ATP1A1: variants seen among roughly 807,000 people sequenced by gnomAD.
ATP1A1 encodes the protein sodium/potassium-transporting ATPase subunit alpha-1.
In ATP1A1, 14 loss-of-function variants were observed where a neutral mutation model predicts 114.8. That is an observed-to-expected ratio of 0.12 (90% CI 0.08 to 0.19). ATP1A1 has a LOEUF of 0.19. ATP1A1 is among the 10% of genes least tolerant of loss of function. The pLI is 1.00. For missense variants in ATP1A1, 524 were observed against 1,290.7 expected, an observed-to-expected ratio of 0.41 and a Z score of 9.10; for synonymous variants, 471 against 466.3, an observed-to-expected ratio of 1.01 and a Z score of -0.13.
chr1:116,398,584 T>C lies in ATP1A1; in HGVS notation c.2125-37T>C. Reference sequence around the variant, plus strand: ...GCACTATTTCCATCGCTAGGAAAAGTGATTGGTATTAACCCGTTTTCCCTT... The same window carrying C: ...GCACTATTTCCATCGCTAGGAAAAGCGATTGGTATTAACCCGTTTTCCCTT... On this transcript the variant is annotated intron_variant, in intron 15 of 22. Transcript: ENST00000295598. The surrounding 1 kb of genome is among the most constrained non-coding windows in gnomAD (Gnocchi z 6.1). 1 of 1,597,866 alleles carries C rather than the reference T, an allele frequency of 6.3e-7. No individual in the cohort carries two copies. The highest frequency in any genetic ancestry group is 8.5e-7 in the Non-Finnish European group (1 of 1,169,624).
In ATP1A1 at chr1:116,398,546, G is replaced by A. The variant is rs981419057; in HGVS notation, c.2125-75G>A. On this transcript the variant is annotated intron_variant, in intron 15 of 22. Coordinates refer to ENST00000295598, the MANE Select transcript of ATP1A1 (RefSeq NM_000701.8). This position sits in a 1 kb window ranked among gnomAD's most constrained non-coding sequence, Gnocchi z 6.1. ...GCAGTGTCTGTAATGAGTGCTCAGTGGGGGCATGCATCGCACTATTTCCAT... is the reference window on the plus strand; with the variant it reads ...GCAGTGTCTGTAATGAGTGCTCAGTAGGGGCATGCATCGCACTATTTCCAT... The A allele has an allele frequency of 4.6e-6, 7 of 1,526,718 alleles. No homozygotes were observed. The highest frequency in any genetic ancestry group is 1.4e-5 in the African/African-American group (1 of 72,974). 94.6% of individuals were successfully genotyped at this position (1,526,718 alleles called of 1,614,324 possible).
Position 116,389,338 on chromosome 1 carries a change from T to C in ATP1A1, c.755-101T>C. ...GCCCTTAAAAAGTGCTTTTATCAACTCTTTTTGTTTTTTTAGTCATCCTAT... is the reference window on the plus strand; with the variant it reads ...GCCCTTAAAAAGTGCTTTTATCAACCCTTTTTGTTTTTTTAGTCATCCTAT... On this transcript the variant is annotated intron_variant, in intron 7 of 22. Coordinates refer to ENST00000295598, the MANE Select transcript of ATP1A1 (RefSeq NM_000701.8). The surrounding 1 kb of genome is among the most constrained non-coding windows in gnomAD (Gnocchi z 6.9). The C allele has an allele frequency of 6.7e-7, 1 of 1,483,700 alleles. No individual in the cohort carries two copies. Among genetic ancestry groups the C allele is most frequent in the South Asian group, 1.3e-5 (1 of 76,606 alleles). The allele number at this position is 1,483,700 out of a possible 1,614,324, so 91.9% of individuals were successfully genotyped here.
Position 116,388,482 on chromosome 1 carries a change from C to A in ATP1A1, c.502-156C>A. The A allele has an allele frequency of 8.7e-7, 1 of 1,145,600 alleles. No homozygotes were observed. Among genetic ancestry groups the A allele is most frequent in the Non-Finnish European group, 1.2e-6 (1 of 826,372 alleles). The allele number at this position is 1,145,600 out of a possible 1,614,324, so 71.0% of individuals were successfully genotyped here. On this transcript the variant is annotated intron_variant, in intron 5 of 22. Coordinates refer to ENST00000295598, the MANE Select transcript of ATP1A1 (RefSeq NM_000701.8). This position sits in a 1 kb window ranked among gnomAD's most constrained non-coding sequence, Gnocchi z 5.6. ...GTAACAGCAATATCTCTTAAACTGG[C>A]GAGCAAGCTTTTGTAACTTGTGTAA...
rs117863652 is a variant in ATP1A1 at position 116,392,581 on chromosome 1, T to C, written c.1333-273T>C. 1.2e-3 allele frequency: 390 copies of C among 333,480 alleles called. 3 individuals are homozygous for C. The highest frequency in any genetic ancestry group is 0.011 in the East Asian group (208 of 18,624). The allele number at this position is 333,480 out of a possible 1,614,324, so 20.7% of individuals were successfully genotyped here. On this transcript the variant is annotated intron_variant, in intron 10 of 22. Transcript: ENST00000295598. ...GTTGGAAGGGTGTGTTAATACCTCT[T>C]CTAGGGAAGGTGACACCTTCCCACA...
chr1:116,377,964 A>T lies in ATP1A1; in HGVS notation c.12+4441A>T, dbSNP rs74111866. On this transcript the variant is annotated intron_variant, in intron 1 of 22. Coordinates refer to ENST00000295598, the MANE Select transcript of ATP1A1 (RefSeq NM_000701.8). ...TCCATTTATATATTTTGGGGGAGGG[A>T]TGTGGAACCTAGTCAGGTCTGAACT... is the stretch of plus-strand genomic sequence containing the variant. Among the ~76,000 whole-genome samples, 494 of 152,282 alleles carry T rather than the reference A, an allele frequency of 3.2e-3. 2 individuals are homozygous for T. Among genetic ancestry groups the T allele is most frequent in the African/African-American group, 0.012 (480 of 41,556 alleles).
rs1482287010 is a variant in ATP1A1 at position 116,388,302 on chromosome 1, C to T, written c.501+58C>T. ...ACTTGACAGCCCCAAGCATGTCAGCCTGTGAATTAGTGTGAAGTTAAGGTT... is the reference window on the plus strand; with the variant it reads ...ACTTGACAGCCCCAAGCATGTCAGCTTGTGAATTAGTGTGAAGTTAAGGTT... On this transcript the variant is annotated intron_variant, in intron 5 of 22. Transcript: ENST00000295598. The surrounding 1 kb of genome is among the most constrained non-coding windows in gnomAD (Gnocchi z 5.6). 5.1e-6 allele frequency: 7 copies of T among 1,362,586 alleles called. No homozygotes were observed. Among genetic ancestry groups the T allele is most frequent in the Non-Finnish European group, 5.2e-6 (5 of 954,346 alleles). The allele number at this position is 1,362,586 out of a possible 1,614,324, so 84.4% of individuals were successfully genotyped here.
At position 116,387,761 on chromosome 1, in the gene ATP1A1, C is replaced by T. The variant is rs1047762762; in HGVS notation, c.387+270C>T. ...CAGGCAGCTCTGCTCAGGCCCCGGC[C>T]GCCACCCACTGGATGGCAGAGCACA... On this transcript the variant is annotated intron_variant, in intron 4 of 22. Coordinates refer to ENST00000295598, the MANE Select transcript of ATP1A1 (RefSeq NM_000701.8). This position sits in a 1 kb window ranked among gnomAD's most constrained non-coding sequence, Gnocchi z 6.7. Among the ~76,000 whole-genome samples the T allele has an allele frequency of 2.6e-5, 4 of 152,232 alleles. No individual in the cohort carries two copies. The highest frequency in any genetic ancestry group is 2.0e-4 in the Admixed American group (3 of 15,288).
chr1:116,376,374 C>T (rs1200496099), intron 1 of ATP1A1, among the ~76,000 whole-genome samples: 2 of 152,186 alleles, frequency 1.3e-5, no homozygotes, highest in African/African-American at 4.8e-5. Context: ...GTGACTAAAG[C>T]TCCTCTGGCT....
chr1:116,374,079 G>A, intron 1 of ATP1A1: 1 of 1,421,258 alleles, frequency 7.0e-7, no homozygotes, highest in East Asian at 2.7e-5. Flanking sequence ...GCAGCCTCCG[G>A]GTTCGGGGCT....
Position 116,390,815 on chromosome 1 carries a change from T to G in ATP1A1, c.1256T>G (p.Leu419Arg). 2 of 1,614,244 alleles carry G rather than the reference T, an allele frequency of 1.2e-6. No individual in the cohort carries two copies. The highest frequency in any genetic ancestry group is 1.7e-6 in the Non-Finnish European group (2 of 1,180,036). ...TTTGACAAGACTTCAGCTACCTGGCTTGCTCTGTCCAGAATTGCAGGTCTT... is the reference window on the plus strand; with the variant it reads ...TTTGACAAGACTTCAGCTACCTGGCGTGCTCTGTCCAGAATTGCAGGTCTT... ...VSFDKTSATW[L>R]ALSRIAGLCN... The change falls in exon 10 of 23, where the codon CTT becomes CGT. Residue 419 changes from leucine to arginine, a missense_variant. Physicochemically the swap from Leu to Arg is moderately radical, Grantham distance 102. This residue lies in a region of ATP1A1 where 143 missense variants were observed against 259.3 expected (regional missense o/e 0.55). Coordinates refer to ENST00000295598, the MANE Select transcript of ATP1A1 (RefSeq NM_000701.8).
chr1:116,378,879 T>C (rs922470503), intron 1 of ATP1A1, among the ~76,000 whole-genome samples: 1 of 152,170 alleles, frequency 6.6e-6, no homozygotes, highest in African/African-American at 2.4e-5. Flanking sequence ...GGTAAGGTGG[T>C]CAGCAGAAAG....
rs116400140 is a variant in ATP1A1 at position 116,381,299 on chromosome 1, G to A, written c.13-2715G>A. 0.013 allele frequency among the ~76,000 whole-genome samples: 1,927 copies of A among 152,236 alleles called. 18 individuals are homozygous for A. Among genetic ancestry groups the A allele is most frequent in the South Asian group, 0.029 (138 of 4,822 alleles). ...CTGATTCTACCACTGTTCATCTCACGCAGTGTGCACTCCCTGACTCTGAAT... is the reference window on the plus strand; with the variant it reads ...CTGATTCTACCACTGTTCATCTCACACAGTGTGCACTCCCTGACTCTGAAT... On this transcript the variant is annotated intron_variant, in intron 1 of 22. Transcript: ENST00000295598. This position sits in a 1 kb window ranked among gnomAD's most constrained non-coding sequence, Gnocchi z 5.1.
intron 9 of ATP1A1, 132 bp downstream of exon 9, chr1:116,390,543 T>C: frequency 9.5e-7 from 1 of 1,048,122 alleles, no homozygotes; most frequent in South Asian, 1.8e-5. Context: ...TTTGTTTTTT[T>C]TTTTTTTATC....
chr1:116,375,811 T>G (rs941254320), intron 1 of ATP1A1, among the ~76,000 whole-genome samples: 10 of 152,226 alleles, frequency 6.6e-5, no homozygotes, highest in South Asian at 2.1e-4. Flanking sequence ...AGGAAGCCTG[T>G]GCCGGCAGCT....
At chr1:116,374,188 G>C in intron 1 of ATP1A1, 1 of 1,550,576 alleles carries the variant, frequency 6.4e-7, no homozygotes, top group Non-Finnish European at 8.7e-7. Flanking sequence ...AAGCCGGCTG[G>C]GCGGGCTGGT....
Position 116,390,204 on chromosome 1 carries a change from A to AT in ATP1A1, c.1024-3dup. On this transcript the variant is annotated splice_polypyrimidine_tract_variant and intron_variant, in intron 8 of 22. Transcript: ENST00000295598. ...TGAGTGAAGTAATAATCTTCCTAAT[A>AT]TTTTTTAGGTCTGTCTGACACTTAC... 1.2e-6 allele frequency: 2 copies of AT among 1,613,532 alleles called. No individual in the cohort carries two copies. Among genetic ancestry groups the AT allele is most frequent in the Non-Finnish European group, 1.7e-6 (2 of 1,179,626 alleles).
chr1:116,389,292 G>A lies in ATP1A1; in HGVS notation c.755-147G>A. 1 of 1,065,508 alleles carries A rather than the reference G, an allele frequency of 9.4e-7. No individual in the cohort carries two copies. The highest frequency in any genetic ancestry group is 1.4e-6 in the Non-Finnish European group (1 of 734,600). 66.0% of individuals were successfully genotyped at this position (1,065,508 alleles called of 1,614,324 possible). Reference sequence around the variant, plus strand: ...TGGAGAGAAGTCCCTTTGCCAAACAGCATGTACAGCCAAAGAGCTGGCCCT... The same window carrying A: ...TGGAGAGAAGTCCCTTTGCCAAACAACATGTACAGCCAAAGAGCTGGCCCT... On this transcript the variant is annotated intron_variant, in intron 7 of 22. Transcript: ENST00000295598. This position sits in a 1 kb window ranked among gnomAD's most constrained non-coding sequence, Gnocchi z 6.9.
In ATP1A1 at chr1:116,388,814, G is replaced by A; in HGVS notation, c.636+42G>A. 1 of 1,613,072 alleles carries A rather than the reference G, an allele frequency of 6.2e-7. No individual in the cohort carries two copies. The highest frequency in any genetic ancestry group is 8.5e-7 in the Non-Finnish European group (1 of 1,179,302). On this transcript the variant is annotated intron_variant, in intron 6 of 22. Coordinates refer to ENST00000295598, the MANE Select transcript of ATP1A1 (RefSeq NM_000701.8). This position sits in a 1 kb window ranked among gnomAD's most constrained non-coding sequence, Gnocchi z 5.6. Reference sequence around the variant, plus strand: ...AACAAACCTCATAGCTAGCTCTGCTGTTCGGGCAGCTTGATTTGAGGGGTA... The same window carrying A: ...AACAAACCTCATAGCTAGCTCTGCTATTCGGGCAGCTTGATTTGAGGGGTA...
In ATP1A1 at chr1:116,389,731, C is replaced by G; in HGVS notation, c.1023+24C>G. On this transcript the variant is annotated intron_variant, in intron 8 of 22. Transcript: ENST00000295598. The surrounding 1 kb of genome is among the most constrained non-coding windows in gnomAD (Gnocchi z 6.9). ...CGGTAAGAGGCAGGTGATGGTCACC[C>G]TGACTCAGATCAGCTTGCACGAATG... is the stretch of plus-strand genomic sequence containing the variant. 2 of 1,613,102 alleles carry G rather than the reference C, an allele frequency of 1.2e-6. No individual in the cohort carries two copies. The highest frequency in any genetic ancestry group is 1.1e-5 in the South Asian group (1 of 91,036).
Sources: allele counts gnomAD v4.1 joint callset (sites outside exome capture counted in the v4.1 genomes callset), GRCh38; gene constraint gnomAD v4.1.1; regional missense constraint gnomAD v4.1.1; non-coding constraint Gnocchi (gnomAD v3.1); transcripts MANE v1.5; gene names NCBI Gene and HGNC (gene_info 2026-07-23, HGNC 2026-07-21).